FEM1B: variants seen among roughly 807,000 people sequenced by gnomAD.
FEM1B encodes protein fem-1 homolog B.
Under a neutral mutation model 38.6 loss-of-function variants are expected in FEM1B, and 10 were observed. The observed-to-expected ratio is 0.26, with a 90% CI of 0.16 to 0.44. FEM1B has a LOEUF of 0.44. Among genes scored for constraint, FEM1B ranks in the 20% least tolerant of loss-of-function variants. FEM1B has a pLI of 1.00. For synonymous variants in FEM1B, 288 were observed against 288.0 expected (o/e 1.00, Z 0.00); for missense variants, 471 against 786.7 (o/e 0.60, Z 4.80).
Position 68,294,006 on chromosome 15 carries a change from A to G in FEM1B, c.*2764A>G, listed in dbSNP as rs1357514510. On this transcript the variant is annotated 3_prime_UTR_variant, in exon 2 of 2. Coordinates refer to ENST00000306917, the MANE Select transcript of FEM1B (RefSeq NM_015322.5). This position sits in a 1 kb window ranked among gnomAD's most constrained non-coding sequence, Gnocchi z 4.4. ...CTCTGTCCTGTTCAGTAATTGTTAT[A>G]TAAATCTGGATGAGCTAGGGAGGCC... The G allele has an allele frequency of 1.3e-5, 2 of 152,202 alleles. No homozygotes were observed. Among genetic ancestry groups the G allele is most frequent in the Admixed American group, 1.3e-4 (2 of 15,276 alleles). The allele number at this position is 152,202 out of a possible 1,614,324, so 9.4% of individuals were successfully genotyped here.
Position 68,295,366 on chromosome 15 carries a change from G to GTGT in FEM1B, c.*4128_*4130dup, listed in dbSNP as rs1451373740. On this transcript the variant is annotated 3_prime_UTR_variant, in exon 2 of 2. Transcript: ENST00000306917. ...AGATTTTGTATCTATTTTTTATCAG[G>GTGT]TGTTGTAAAATTTGTGCATGGCTTT... The GTGT allele has an allele frequency of 2.6e-5, 4 of 152,198 alleles. No homozygotes were observed. Among genetic ancestry groups the GTGT allele is most frequent in the African/African-American group, 9.6e-5 (4 of 41,454 alleles). 9.4% of individuals were successfully genotyped at this position (152,198 alleles called of 1,614,324 possible).
At chr15:68,282,573 C>T (rs1034532717) in intron 1 of FEM1B, among the ~76,000 whole-genome samples, 23 of 152,030 alleles carry the variant, frequency 1.5e-4, no homozygotes, top group Admixed American at 7.9e-4. Flanking sequence ...GAAAAGTTTC[C>T]ATCATCTGAT....
rs1365104384 is a variant in FEM1B, at chr15:68,295,725, T to C, written c.*4483T>C. 2 of 152,260 alleles carry C rather than the reference T, an allele frequency of 1.3e-5. No individual in the cohort carries two copies. The highest frequency in any genetic ancestry group is 2.9e-5 in the Non-Finnish European group (2 of 68,040). The allele number at this position is 152,260 out of a possible 1,614,324, so 9.4% of individuals were successfully genotyped here. A position where few individuals can be genotyped will look rare whatever the true frequency, so the allele number is the denominator to read the frequency against. The stretch of plus-strand genomic sequence containing the variant: ...GATTTATATATTGCATGACATTTTC[T>C]ATTTGAGTTTGACATGTAGAGTCAT... On this transcript the variant is annotated 3_prime_UTR_variant, in exon 2 of 2. Transcript: ENST00000306917.
At chr15:68,287,745 G>T (rs1157019591) in intron 1 of FEM1B, among the ~76,000 whole-genome samples, 2 of 152,128 alleles carry the variant, frequency 1.3e-5, no homozygotes, top group Admixed American at 1.3e-4. Flanking sequence ...GTCTGGTGAG[G>T]GCCGCATCCT....
chr15:68,283,592 GTGAGCAGTGGTTGTGCCACTGCCA>G (rs1192049442), intron 1 of FEM1B, among the ~76,000 whole-genome samples: 2 of 150,872 alleles, frequency 1.3e-5, no homozygotes, highest in East Asian at 2.0e-4. Flanking sequence ...CTAGGCAGCA[GTGAGCAGTGGTTGTGCCACTGCCA>G]TGAGCAGTGA....
chr15:68,278,471 G>A lies in FEM1B; in HGVS notation c.54G>A (p.Leu18=). The part of the protein sequence containing the change: ...VYKAASEGKV[L]TLAALLLNRS... ...AGGCGGCCAGCGAGGGCAAGGTGCTGACTCTGGCCGCCTTGCTTCTCAACC... is the reference window on the plus strand; with the variant it reads ...AGGCGGCCAGCGAGGGCAAGGTGCTAACTCTGGCCGCCTTGCTTCTCAACC... The change falls in exon 1 of 2, where the codon CTG becomes CTA. Residue 18 remains leucine (L), a synonymous_variant. Coordinates refer to ENST00000306917, the MANE Select transcript of FEM1B (RefSeq NM_015322.5). The surrounding 1 kb of genome is among the most constrained non-coding windows in gnomAD (Gnocchi z 5.7). 5 of 1,613,740 alleles carry A rather than the reference G, an allele frequency of 3.1e-6. No individual in the cohort carries two copies. The highest frequency in any genetic ancestry group is 4.2e-6 in the Non-Finnish European group (5 of 1,180,022).
intron 1 of FEM1B, among the ~76,000 whole-genome samples, chr15:68,286,955 T>C (rs1892795824): frequency 6.6e-6 from 1 of 152,218 alleles, no homozygotes; most frequent in Non-Finnish European, 1.5e-5. Flanking sequence ...TGGTGCAATC[T>C]CAGCTCACTG....
rs771427645 is a variant in FEM1B at position 68,290,281 on chromosome 15, G to A, written c.923G>A (p.Cys308Tyr). 6.2e-7 allele frequency: 1 copy of A among 1,614,100 alleles called. No individual in the cohort carries two copies. The highest frequency in any genetic ancestry group is 8.5e-7 in the Non-Finnish European group (1 of 1,180,006). ...CATGCTTATGGGAATAGAACTGAAT[G>A]TAGAAATCCTCAGGAACTGGAGTCC... ...PIHAYGNRTE[C>Y]RNPQELESIR... Residue 308 changes from cysteine (C) to tyrosine (Y), a missense_variant, in exon 2 of 2, where the codon TGT (cysteine) becomes TAT (tyrosine). Coordinates refer to ENST00000306917, the MANE Select transcript of FEM1B (RefSeq NM_015322.5). This position sits in a 1 kb window ranked among gnomAD's most constrained non-coding sequence, Gnocchi z 9.7.
In FEM1B at chr15:68,292,042, A is replaced by G. The variant is rs921538140; in HGVS notation, c.*800A>G. 2 of 152,190 alleles carry G rather than the reference A, an allele frequency of 1.3e-5. No individual in the cohort carries two copies. The highest frequency in any genetic ancestry group is 4.8e-5 in the African/African-American group (2 of 41,448). 9.4% of individuals were successfully genotyped at this position (152,190 alleles called of 1,614,324 possible). On this transcript the variant is annotated 3_prime_UTR_variant, in exon 2 of 2. Coordinates refer to ENST00000306917, the MANE Select transcript of FEM1B (RefSeq NM_015322.5). ...GCTCATAGACATGTAAAAATTATGA[A>G]TGCTGTTTTCTTATGAAACAAATTG...
At chr15:68,283,496 T>G (rs1892749306) in intron 1 of FEM1B, among the ~76,000 whole-genome samples, 1 of 113,658 alleles carries the variant, frequency 8.8e-6, no homozygotes, top group Non-Finnish European at 1.7e-5. Flanking sequence ...AGACCTCATC[T>G]CTACCTAAAA....
At chr15:68,279,103 G>A (rs1892699720) in intron 1 of FEM1B, among the ~76,000 whole-genome samples, 1 of 152,204 alleles carries the variant, frequency 6.6e-6, no homozygotes, top group African/African-American at 2.4e-5. Context: ...CTCCCTTCAA[G>A]TGAGTGGTTC....
At position 68,292,175 on chromosome 15, in the gene FEM1B, A is replaced by ATAAGG. The variant is rs1288980505; in HGVS notation, c.*936_*940dup. ...AGAAGGCATTATTTATGCCTCCCTA[A>ATAAGG]TAAGGTATTTTACTTATGACAGATG... On this transcript the variant is annotated 3_prime_UTR_variant, in exon 2 of 2. Transcript: ENST00000306917. 2.0e-5 allele frequency: 3 copies of ATAAGG among 152,168 alleles called. No individual in the cohort carries two copies. The highest frequency in any genetic ancestry group is 7.2e-5 in the African/African-American group (3 of 41,444). The allele number at this position is 152,168 out of a possible 1,614,324, so 9.4% of individuals were successfully genotyped here. A position where few individuals can be genotyped will look rare whatever the true frequency, so the allele number is the denominator to read the frequency against.
rs1380633488 is a variant in FEM1B at position 68,294,489 on chromosome 15, T to TAA, written c.*3250_*3251dup. On this transcript the variant is annotated 3_prime_UTR_variant, in exon 2 of 2. Transcript: ENST00000306917. The surrounding 1 kb of genome is among the most constrained non-coding windows in gnomAD (Gnocchi z 4.4). ...TCTGTTTGACAAATGTTTTGAAAAT[T>TAA]AAAATTTCAAGTGAGCAACACCCTG... is the stretch of plus-strand genomic sequence containing the variant. 2 of 152,196 alleles carry TAA rather than the reference T, an allele frequency of 1.3e-5. No individual in the cohort carries two copies. The highest frequency in any genetic ancestry group is 4.8e-5 in the African/African-American group (2 of 41,462). The allele number at this position is 152,196 out of a possible 1,614,324, so 9.4% of individuals were successfully genotyped here. A position where few individuals can be genotyped will look rare whatever the true frequency, so the allele number is the denominator to read the frequency against.
At position 68,291,382 on chromosome 15, in the gene FEM1B, A is replaced by ATTTGT; in HGVS notation, c.*144_*148dup. 1 of 643,744 alleles carries ATTTGT rather than the reference A, an allele frequency of 1.6e-6. No individual in the cohort carries two copies. The highest frequency in any genetic ancestry group is 2.8e-5 in the East Asian group (1 of 35,202). 39.9% of individuals were successfully genotyped at this position (643,744 alleles called of 1,614,324 possible). A position where few individuals can be genotyped will look rare whatever the true frequency, so the allele number is the denominator to read the frequency against. ...CCATCCCATCCTTCCTTAGTTCTGT[A>ATTTGT]TTTGTTTTTCTTGCCTCATGGTAAT... is the stretch of plus-strand genomic sequence containing the variant. On this transcript the variant is annotated 3_prime_UTR_variant, in exon 2 of 2. Transcript: ENST00000306917. This position sits in a 1 kb window ranked among gnomAD's most constrained non-coding sequence, Gnocchi z 6.9.
rs757074864 is a variant in FEM1B, at chr15:68,289,904, C to G, written c.546C>G (p.Ala182=). Residue 182 remains alanine (A), a synonymous_variant, in exon 2 of 2, where the codon GCC becomes GCG. Coordinates refer to ENST00000306917, the MANE Select transcript of FEM1B (RefSeq NM_015322.5). The surrounding 1 kb of genome is among the most constrained non-coding windows in gnomAD (Gnocchi z 6.9). ...TAGAACAACGTGCTGATCCCAATGC[C>G]AAAGCACATTGTGGAGCCACAGCAT... is the stretch of plus-strand genomic sequence containing the variant. The part of the protein sequence containing the change: ...YLLEQRADPN[A]KAHCGATALH... The G allele has an allele frequency of 6.2e-7, 1 of 1,613,908 alleles. No individual in the cohort carries two copies. Among genetic ancestry groups the G allele is most frequent in the South Asian group, 1.1e-5 (1 of 91,046 alleles).
chr15:68,295,658 T>C lies in FEM1B; in HGVS notation c.*4416T>C, dbSNP rs1446659592. On this transcript the variant is annotated 3_prime_UTR_variant, in exon 2 of 2. Coordinates refer to ENST00000306917, the MANE Select transcript of FEM1B (RefSeq NM_015322.5). ...TGTCAAACCATTTATGTGACTTTAA[T>C]AAACATAGTAAACTTGCTGACTGCA... 1 of 152,248 alleles carries C rather than the reference T, an allele frequency of 6.6e-6. No homozygotes were observed. Among genetic ancestry groups the C allele is most frequent in the Admixed American group, 6.5e-5 (1 of 15,286 alleles). The allele number at this position is 152,248 out of a possible 1,614,324, so 9.4% of individuals were successfully genotyped here. A position where few individuals can be genotyped will look rare whatever the true frequency, so the allele number is the denominator to read the frequency against.
rs142496932 is a variant in FEM1B, at chr15:68,278,810, C to T, written c.248+145C>T. ...GTACCACCTCCTGCCCCACTAATGC[C>T]CACTTCATCTTCCAGGGCTAATAAT... is the stretch of plus-strand genomic sequence containing the variant. On this transcript the variant is annotated intron_variant, in intron 1 of 1. Transcript: ENST00000306917. The surrounding 1 kb of genome is among the most constrained non-coding windows in gnomAD (Gnocchi z 5.7). 83 of 894,216 alleles carry T rather than the reference C, an allele frequency of 9.3e-5. No homozygotes were observed. The Middle Eastern group carries it at 1.6e-3, about 17-fold the overall frequency. 55.4% of individuals were successfully genotyped at this position (894,216 alleles called of 1,614,324 possible).
chr15:68,278,239 C>A lies in FEM1B; in HGVS notation c.-179C>A, dbSNP rs1249692329. The A allele has an allele frequency of 2.4e-6, 2 of 820,706 alleles. No homozygotes were observed. The highest frequency in any genetic ancestry group is 3.6e-6 in the Non-Finnish European group (2 of 548,018). 50.8% of individuals were successfully genotyped at this position (820,706 alleles called of 1,614,324 possible). On this transcript the variant is annotated 5_prime_UTR_variant, in exon 1 of 2. Coordinates refer to ENST00000306917, the MANE Select transcript of FEM1B (RefSeq NM_015322.5). This position sits in a 1 kb window ranked among gnomAD's most constrained non-coding sequence, Gnocchi z 5.7. ...CGGACGTGCCCTTCGCGGCACTCGG[C>A]CTCCTCTGCGTCTCCGCCTTCCCTG...
In FEM1B at chr15:68,280,989, AAG is replaced by A. The variant is rs929531969; in HGVS notation, c.248+2328_248+2329del. On this transcript the variant is annotated intron_variant, in intron 1 of 1. Coordinates refer to ENST00000306917, the MANE Select transcript of FEM1B (RefSeq NM_015322.5). The surrounding 1 kb of genome is among the most constrained non-coding windows in gnomAD (Gnocchi z 4.2). ...GAGAAGCTTACAAATTAATTAATAA[AAG>A]AGATATTGAAGTTCCTGGTACTCTC... 1.3e-5 allele frequency among the ~76,000 whole-genome samples: 2 copies of A among 152,220 alleles called. No individual in the cohort carries two copies. The highest frequency in any genetic ancestry group is 2.4e-5 in the African/African-American group (1 of 41,458).
Sources: allele counts gnomAD v4.1 joint callset (sites outside exome capture counted in the v4.1 genomes callset), GRCh38; gene constraint gnomAD v4.1.1; non-coding constraint Gnocchi (gnomAD v3.1); transcripts MANE v1.5; gene names NCBI Gene and HGNC (gene_info 2026-07-23, HGNC 2026-07-21).